Variants in CTNND2 observed in about 807,000 individuals in gnomAD.
CTNND2 encodes the protein catenin delta-2.
Under a neutral mutation model 144.4 loss-of-function variants are expected in CTNND2, and 22 were observed. The observed-to-expected ratio is 0.15, with a 90% CI of 0.11 to 0.22. CTNND2 has a LOEUF of 0.22. CTNND2 is among the 10% of genes least tolerant of loss of function. The pLI, the probability that CTNND2 is intolerant of heterozygous loss-of-function variation, is 1.00. For synonymous variants in CTNND2, 751 were observed against 695.6 expected, an observed-to-expected ratio of 1.08 and a Z score of -1.25; for missense variants, 1,353 against 1,618.8, an observed-to-expected ratio of 0.84 and a Z score of 2.82.
chr5:11,013,923 A>G (rs1501772), intron 18 of CTNND2, among the ~76,000 whole-genome samples: 16,853 of 152,168 alleles, frequency 0.11, 1,134 homozygotes, highest in Non-Finnish European at 0.15. Flanking sequence ...TATGGGCTGG[A>G]ATGAGAAGTG....
chr5:11,441,682 G>A (rs1309704758), intron 3 of CTNND2, among the ~76,000 whole-genome samples: 1 of 133,544 alleles, frequency 7.5e-6, no homozygotes, highest in Non-Finnish European at 1.5e-5. Flanking sequence ...TTATAGGTGT[G>A]AGCCACTTGG....
intron 12 of CTNND2, among the ~76,000 whole-genome samples, chr5:11,155,830 C>G (rs904241888): frequency 1.3e-5 from 2 of 152,010 alleles, no homozygotes; most frequent in African/African-American, 4.8e-5. Flanking sequence ...GAATTTCAAA[C>G]GAAAAAGGAC....
intron 2 of CTNND2, among the ~76,000 whole-genome samples, chr5:11,567,684 A>G (rs927670157): frequency 6.6e-5 from 10 of 152,318 alleles, no homozygotes; most frequent in East Asian, 1.9e-4. Context: ...TAAAAATTTC[A>G]TTTGGGTCTT....
At chr5:11,301,512 G>A (rs1001201186) in intron 9 of CTNND2, among the ~76,000 whole-genome samples, 1 of 152,160 alleles carries the variant, frequency 6.6e-6, no homozygotes, top group East Asian at 1.9e-4. Flanking sequence ...CACACATAGT[G>A]CGTTTTTGGA....
chr5:11,427,955 G>C (rs571767422), intron 3 of CTNND2, among the ~76,000 whole-genome samples: 123 of 152,278 alleles, frequency 8.1e-4, no homozygotes, highest in African/African-American at 2.8e-3. Context: ...AGAATCATGG[G>C]GGGAGGCGAA....
chr5:11,817,430 A>G (rs1476972926), intron 1 of CTNND2, among the ~76,000 whole-genome samples: 16 of 2,854 alleles, frequency 5.6e-3, no homozygotes, highest in Non-Finnish European at 0.021. Flanking sequence ...AGAGAGAGAG[A>G]GAGAGAGAGA....
At position 11,108,499 on chromosome 5, in the gene CTNND2, G is replaced by A. The variant is rs530310742; in HGVS notation, c.2463+2359C>T. Reference sequence around the variant, plus strand: ...TATTTACTGTTAAATTGACTACAGTGCACTCAGTTGTGAAACAAAGATGAT... The same window carrying A: ...TATTTACTGTTAAATTGACTACAGTACACTCAGTTGTGAAACAAAGATGAT... On this transcript the variant is annotated intron_variant, in intron 14 of 21. Transcript: ENST00000304623. 3.9e-5 allele frequency among the ~76,000 whole-genome samples: 6 copies of A among 152,274 alleles called. No individual in the cohort carries two copies. The South Asian group carries it at 1.2e-3, about 32-fold the overall frequency.
intron 2 of CTNND2, among the ~76,000 whole-genome samples, chr5:11,577,632 AAT>A (rs1778068153): frequency 6.6e-6 from 1 of 152,184 alleles, no homozygotes; most frequent in African/African-American, 2.4e-5. Flanking sequence ...TTCAGAGAGC[AAT>A]TAGATTCCAT....
At chr5:11,424,783 T>G (rs1370650113) in intron 3 of CTNND2, among the ~76,000 whole-genome samples, 1 of 152,200 alleles carries the variant, frequency 6.6e-6, no homozygotes, top group Non-Finnish European at 1.5e-5. Context: ...AACTAGAATT[T>G]TTTTTAAAAG....
chr5:11,000,986 T>C (rs557440051), intron 18 of CTNND2, among the ~76,000 whole-genome samples: 2 of 152,298 alleles, frequency 1.3e-5, no homozygotes, highest in South Asian at 4.1e-4. Context: ...TGGGGCACAT[T>C]TTTTAAAGTG....
chr5:11,385,155 C>G lies in CTNND2; in HGVS notation c.687G>C (p.Pro229=), dbSNP rs1194551683. Residue 229 remains proline (P), a synonymous_variant, in exon 7 of 22, where the codon CCG becomes CCC. Coordinates refer to ENST00000304623, the MANE Select transcript of CTNND2 (RefSeq NM_001332.4). ...AGGCGCTGCCCAGGCTGGGCGCGAA[C>G]GGCTCCCGCGGCGGCGGCGGCGGCG... The part of the protein sequence containing the change: ...APPPPPPPRE[P]FAPSLGSAFH... 4.0e-6 allele frequency: 4 copies of G among 1,006,764 alleles called. No individual in the cohort carries two copies. The highest frequency in any genetic ancestry group is 2.4e-6 in the Non-Finnish European group (2 of 846,534). The allele number at this position is 1,006,764 out of a possible 1,614,324, so 62.4% of individuals were successfully genotyped here.
intron 2 of CTNND2, among the ~76,000 whole-genome samples, chr5:11,575,916 G>A (rs1475010577): frequency 2.0e-5 from 3 of 152,066 alleles, no homozygotes; most frequent in Non-Finnish European, 4.4e-5. Context: ...AGTTCTTGGT[G>A]TTTATCCACT....
chr5:11,021,559 C>T (rs753717512), intron 17 of CTNND2, among the ~76,000 whole-genome samples: 117 of 152,250 alleles, frequency 7.7e-4, no homozygotes, highest in African/African-American at 2.6e-3. Context: ...GTCTCCACTG[C>T]GCAATTATTA....
intron 1 of CTNND2, among the ~76,000 whole-genome samples, chr5:11,843,728 A>G (rs1360700281): frequency 1.3e-5 from 2 of 152,188 alleles, no homozygotes; most frequent in Non-Finnish European, 2.9e-5. Context: ...CTAAATGTGT[A>G]TTAGAAATGT....
intron 9 of CTNND2, among the ~76,000 whole-genome samples, chr5:11,242,853 T>A (rs545784028): frequency 1.3e-5 from 2 of 152,322 alleles, no homozygotes; most frequent in East Asian, 3.9e-4. Context: ...GTCCCTTAGA[T>A]CTTGCTGGCC....
At chr5:11,611,679 G>A (rs1393949668) in intron 2 of CTNND2, among the ~76,000 whole-genome samples, 2 of 152,196 alleles carry the variant, frequency 1.3e-5, no homozygotes, top group Admixed American at 1.3e-4. Context: ...TTGGGAGGCT[G>A]AGGCAGGAGA....
chr5:11,752,797 C>A lies in CTNND2; in HGVS notation c.38-20525G>T, dbSNP rs914057866. Among the ~76,000 whole-genome samples, 6 of 151,618 alleles carry A rather than the reference C, an allele frequency of 4.0e-5. No individual in the cohort carries two copies. In the Admixed American group the frequency reaches 4.0e-4, roughly 10 times the overall value. Reference sequence around the variant, plus strand: ...GCAGTATGGCCATTTTAACAGTATTCTTCCTATCTATGAGCATGAAATGTT... The same window carrying A: ...GCAGTATGGCCATTTTAACAGTATTATTCCTATCTATGAGCATGAAATGTT... On this transcript the variant is annotated intron_variant, in intron 1 of 21. Coordinates refer to ENST00000304623, the MANE Select transcript of CTNND2 (RefSeq NM_001332.4).
chr5:11,125,883 A>T (rs895589296), intron 12 of CTNND2, among the ~76,000 whole-genome samples: 4 of 152,254 alleles, frequency 2.6e-5, no homozygotes, highest in African/African-American at 9.6e-5. Flanking sequence ...TGAACCATGT[A>T]GGTAAGATTC....
chr5:11,250,512 TACATA>T (rs1743496172), intron 9 of CTNND2, among the ~76,000 whole-genome samples: 2 of 72,426 alleles, frequency 2.8e-5, no homozygotes, highest in African/African-American at 7.4e-5. Flanking sequence ...TATATATATA[TACATA>T]TATTTTTTTT....
Sources: allele counts gnomAD v4.1 joint callset (sites outside exome capture counted in the v4.1 genomes callset), GRCh38; gene constraint gnomAD v4.1.1; transcripts MANE v1.5; gene names NCBI Gene and HGNC (gene_info 2026-07-23, HGNC 2026-07-21).